Variants in CPNE4 observed in about 807,000 individuals in gnomAD.
CPNE4 encodes the protein copine-4.
CPNE4 carries 25 observed loss-of-function variants against 67.9 expected under a neutral mutation model. The ratio of observed to expected loss-of-function variants is 0.37; its 90% CI spans 0.27 to 0.51. The LOEUF is 0.51. CPNE4 is among the 20% of genes least tolerant of loss of function. The pLI, the probability that CPNE4 is intolerant of heterozygous loss-of-function variation, is 0.93. For synonymous variants in CPNE4, 242 were observed against 244.9 expected (o/e 0.99, Z 0.11); for missense variants, 464 against 690.8 (o/e 0.67, Z 3.68).
rs777289459 is a variant in CPNE4, at chr3:131,535,334, A to C, written c.1540-5T>G. ...TGCCAGGGCAGCTGGAGATGCCTGC[A>C]GGGAAGAAGAAATCATCATGACGTT... On this transcript the variant is annotated splice_region_variant and splice_polypyrimidine_tract_variant and intron_variant, in intron 15 of 15. Coordinates refer to ENST00000429747, the MANE Select transcript of CPNE4 (RefSeq NM_130808.3). 2.5e-6 allele frequency: 4 copies of C among 1,609,398 alleles called. No individual in the cohort carries two copies. Among genetic ancestry groups the C allele is most frequent in the Middle Eastern group, 1.7e-4 (1 of 6,042 alleles).
At chr3:131,541,830 C>G (rs1001152139) in intron 15 of CPNE4, among the ~76,000 whole-genome samples, 2 of 151,980 alleles carry the variant, frequency 1.3e-5, no homozygotes, top group African/African-American at 4.8e-5. Flanking sequence ...GCCACCACGC[C>G]CAGCTAATTT....
At chr3:131,985,165 A>T (rs965721359) in intron 1 of CPNE4, among the ~76,000 whole-genome samples, 7 of 152,190 alleles carry the variant, frequency 4.6e-5, no homozygotes, top group Non-Finnish European at 8.8e-5. Context: ...GAGCCCTCTA[A>T]GTTGTCTTTT....
intron 2 of CPNE4, among the ~76,000 whole-genome samples, chr3:131,740,572 C>T (rs1187523928): frequency 1.3e-5 from 2 of 152,124 alleles, no homozygotes; most frequent in African/African-American, 4.8e-5. Context: ...GATCTCACGG[C>T]TTCTCACCTT....
Position 131,535,334 on chromosome 3 carries a change from A to G in CPNE4, c.1540-5T>C. Reference sequence around the variant, plus strand: ...TGCCAGGGCAGCTGGAGATGCCTGCAGGGAAGAAGAAATCATCATGACGTT... The same window carrying G: ...TGCCAGGGCAGCTGGAGATGCCTGCGGGGAAGAAGAAATCATCATGACGTT... On this transcript the variant is annotated splice_region_variant and splice_polypyrimidine_tract_variant and intron_variant, in intron 15 of 15. Transcript: ENST00000429747. 6.2e-7 allele frequency: 1 copy of G among 1,609,398 alleles called. No individual in the cohort carries two copies. The highest frequency in any genetic ancestry group is 8.5e-7 in the Non-Finnish European group (1 of 1,178,530).
At chr3:132,005,143 T>C (rs1220884047) in intron 1 of CPNE4, among the ~76,000 whole-genome samples, 1 of 151,616 alleles carries the variant, frequency 6.6e-6, no homozygotes, top group Non-Finnish European at 1.5e-5. Context: ...TGTTTTGAAA[T>C]GGCAAAGCCA....
chr3:131,580,388 C>CTATACATATACATATACA (rs56222832), intron 9 of CPNE4, among the ~76,000 whole-genome samples: 196 of 132,298 alleles, frequency 1.5e-3, no homozygotes, highest in African/African-American at 3.3e-3. Context: ...ACATTGGCCT[C>CTATACATATACATATACA]TATACATATA....
At chr3:131,955,416 T>TTG (rs1560674309) in intron 1 of CPNE4, among the ~76,000 whole-genome samples, 1 of 124,372 alleles carries the variant, frequency 8.0e-6, no homozygotes, top group Non-Finnish European at 1.6e-5. Context: ...TAAGGTTTTT[T>TTG]TTTTTTTTTT....
chr3:131,882,039 T>G (rs2087690389), intron 2 of CPNE4, among the ~76,000 whole-genome samples: 1 of 152,078 alleles, frequency 6.6e-6, no homozygotes, highest in Admixed American at 6.6e-5. Context: ...AATCAATTTC[T>G]CTTCCTCTCT....
At chr3:131,804,843 G>A (rs1056634856) in intron 2 of CPNE4, among the ~76,000 whole-genome samples, 9 of 152,340 alleles carry the variant, frequency 5.9e-5, no homozygotes, top group African/African-American at 2.2e-4. Flanking sequence ...CTTGTCATCA[G>A]CGAGGCCTTA....
At chr3:131,682,629 C>G (rs547462816) in intron 6 of CPNE4, among the ~76,000 whole-genome samples, 2 of 152,122 alleles carry the variant, frequency 1.3e-5, no homozygotes, top group Non-Finnish European at 2.9e-5. Context: ...CCTAGGATAA[C>G]CGTGCTTGGC....
chr3:131,579,307 C>A (rs1452940739), intron 9 of CPNE4, among the ~76,000 whole-genome samples: 2 of 152,154 alleles, frequency 1.3e-5, no homozygotes. Context: ...AAAAAAGATT[C>A]CTTTCAAAAT....
chr3:131,688,680 CCT>C (rs891947313), intron 5 of CPNE4, among the ~76,000 whole-genome samples: 3 of 151,894 alleles, frequency 2.0e-5, no homozygotes, highest in African/African-American at 7.3e-5. Context: ...TCATTTTTTC[CCT>C]CTTTACTGTT....
intron 1 of CPNE4, among the ~76,000 whole-genome samples, chr3:131,942,455 TGTGTGTGTGAGAGAGA>T (rs1278210269): frequency 2.7e-4 from 17 of 62,328 alleles, no homozygotes; most frequent in South Asian, 4.7e-4. Flanking sequence ...TGTGTGTGTG[TGTGTGTGTGAGAGAGA>T]GAGAGAGAGA....
intron 6 of CPNE4, among the ~76,000 whole-genome samples, chr3:131,671,641 G>A (rs1045342865): frequency 3.9e-5 from 6 of 152,098 alleles, no homozygotes; most frequent in African/African-American, 1.4e-4. Context: ...CCCCATTAGA[G>A]TAAAAGGGGA....
At chr3:131,923,770 G>A (rs1254754808) in intron 1 of CPNE4, among the ~76,000 whole-genome samples, 1 of 148,596 alleles carries the variant, frequency 6.7e-6, no homozygotes, top group East Asian at 2.0e-4. Context: ...GAACCAAAGA[G>A]GGGTCTGGGG....
intron 2 of CPNE4, among the ~76,000 whole-genome samples, chr3:131,819,252 A>G (rs12636408): frequency 0.074 from 11,303 of 152,214 alleles, 563 homozygotes; most frequent in East Asian, 0.17. Flanking sequence ...AATAGAGGAA[A>G]TCACTCTGCT....
intron 2 of CPNE4, among the ~76,000 whole-genome samples, chr3:131,772,523 C>T (rs953029526): frequency 6.6e-6 from 1 of 152,052 alleles, no homozygotes; most frequent in Admixed American, 6.6e-5. Flanking sequence ...TGCATCTCCT[C>T]GAGCTGACTT....
rs1276670723 is a variant in CPNE4 at position 131,958,982 on chromosome 3, T to C, written c.-1-53538A>G. On this transcript the variant is annotated intron_variant, in intron 1 of 15. Transcript: ENST00000429747. ...CTGATACACCTTTCTTTTTTTTTTT[T>C]TTTTTTTTTTTTTTTTTTTTTTTTT... Among the ~76,000 whole-genome samples the C allele has an allele frequency of 1.3e-3, 9 of 6,972 alleles. 3 individuals are homozygous for C. The highest frequency in any genetic ancestry group is 5.1e-3 in the Admixed American group (2 of 392). 4.6% of individuals were successfully genotyped at this position (6,972 alleles called of 152,430 possible). A position where few individuals can be genotyped will look rare whatever the true frequency, so the allele number is the denominator to read the frequency against.
At chr3:132,026,700 C>A (rs904488449) in intron 1 of CPNE4, among the ~76,000 whole-genome samples, 2 of 152,022 alleles carry the variant, frequency 1.3e-5, no homozygotes, top group South Asian at 4.1e-4. Context: ...AATAAATTAA[C>A]ATTACTTTTT....
Sources: gnomAD v4.1 joint callset for allele counts (sites outside exome capture counted in the v4.1 genomes callset) on GRCh38, gnomAD v4.1.1 for gene constraint, MANE v1.5 for transcripts, NCBI Gene and HGNC (gene_info 2026-07-23, HGNC 2026-07-21) for gene names.